INPP4B: variants seen among roughly 807,000 people sequenced by gnomAD.
INPP4B encodes inositol polyphosphate 4-phosphatase type II.
In INPP4B, 55 loss-of-function variants were observed where a neutral mutation model predicts 122.5. The observed-to-expected ratio is 0.45, with a 90% CI of 0.36 to 0.56. INPP4B has a LOEUF of 0.56. INPP4B is among the 20% of genes least tolerant of loss of function. The probability of loss-of-function intolerance (pLI) is 0.00; values close to 1 mark genes in which losing one functional copy is unlikely to be tolerated. For synonymous variants in INPP4B, 403 were observed against 388.7 expected (o/e 1.04, Z -0.43); for missense variants, 1,000 against 1,097.7 (o/e 0.91, Z 1.26).
intron 7 of INPP4B, among the ~76,000 whole-genome samples, chr4:142,316,158 C>T (rs1367186724): frequency 3.9e-5 from 6 of 152,166 alleles, no homozygotes; most frequent in African/African-American, 1.4e-4. Context: ...GTCATTATAA[C>T]TCAAAATTGT....
chr4:142,622,327 T>C (rs999172410), intron 2 of INPP4B, among the ~76,000 whole-genome samples: 1 of 144,646 alleles, frequency 6.9e-6, no homozygotes, highest in Non-Finnish European at 1.5e-5. Context: ...AAGCTTCCAT[T>C]AAAAAAAAAA....
intron 1 of INPP4B, among the ~76,000 whole-genome samples, chr4:142,728,416 T>C (rs751811039): frequency 6.6e-6 from 1 of 152,220 alleles, no homozygotes; most frequent in African/African-American, 2.4e-5. Context: ...GGTTAAATTA[T>C]GTACTCCCGA....
intron 9 of INPP4B, among the ~76,000 whole-genome samples, chr4:142,302,492 G>A (rs1761861134): frequency 6.6e-6 from 1 of 152,050 alleles, no homozygotes; most frequent in Admixed American, 6.6e-5. Flanking sequence ...TCCCATTTAA[G>A]AGCATTATAA....
At position 142,288,071 on chromosome 4, in the gene INPP4B, C is replaced by T. The variant is rs1754648550; in HGVS notation, c.504-17297G>A. ...TCATCAAGTCATCCAAACTTAATTG[C>T]TTCCCAAAGACTCCATCTTTAAACA... On this transcript the variant is annotated intron_variant, in intron 9 of 25. Coordinates refer to ENST00000262992, the MANE Select transcript of INPP4B (RefSeq NM_001101669.3). Among the ~76,000 whole-genome samples the T allele has an allele frequency of 2.0e-5, 3 of 152,264 alleles. 1 individual carries two copies. The Middle Eastern group carries it at 0.01, about 518-fold the overall frequency.
At chr4:142,520,422 T>C (rs923759065) in intron 2 of INPP4B, among the ~76,000 whole-genome samples, 14 of 151,768 alleles carry the variant, frequency 9.2e-5, no homozygotes, top group African/African-American at 3.1e-4. Flanking sequence ...ATTGAAGGAG[T>C]AGGGATGAGA....
intron 2 of INPP4B, among the ~76,000 whole-genome samples, chr4:142,620,252 C>G (rs1467944732): frequency 6.6e-6 from 1 of 151,924 alleles, no homozygotes; most frequent in African/African-American, 2.4e-5. Flanking sequence ...TGGAATCAAC[C>G]TAAATGCCCA....
intron 2 of INPP4B, among the ~76,000 whole-genome samples, chr4:142,617,440 T>C (rs922635921): frequency 6.6e-6 from 1 of 152,074 alleles, no homozygotes; most frequent in Non-Finnish European, 1.5e-5. Flanking sequence ...CAACCATTGC[T>C]TGCTGCTCAG....
chr4:142,360,167 T>C (rs550880971), intron 7 of INPP4B, among the ~76,000 whole-genome samples: 2 of 152,100 alleles, frequency 1.3e-5, no homozygotes, highest in South Asian at 2.1e-4. Flanking sequence ...TTAACATTTC[T>C]ATGATTTCTG....
chr4:142,730,772 C>T (rs1765967199), intron 1 of INPP4B, among the ~76,000 whole-genome samples: 1 of 152,056 alleles, frequency 6.6e-6, no homozygotes, highest in South Asian at 2.1e-4. Flanking sequence ...TCACATTTTT[C>T]CTTTTGTGCT....
rs5862590 is a variant in INPP4B at position 142,367,188 on chromosome 4, ATGTGTGTGTG to A, written c.372+35740_372+35749del. On this transcript the variant is annotated intron_variant, in intron 7 of 25. Transcript: ENST00000262992. ...AATAGTGTGTATGTATACATGTAAT[ATGTGTGTGTG>A]TGTGTGTGTGTGTGTGTGTGTGTGT... Among the ~76,000 whole-genome samples the A allele has an allele frequency of 3.1e-3, 406 of 132,820 alleles. 4 individuals carry two copies. Among genetic ancestry groups the A allele is most frequent in the African/African-American group, 0.01 (367 of 36,102 alleles). The allele number at this position is 132,820 out of a possible 152,430, so 87.1% of individuals were successfully genotyped here.
At chr4:142,524,710 A>G (rs1288755523) in intron 2 of INPP4B, among the ~76,000 whole-genome samples, 1 of 152,202 alleles carries the variant, frequency 6.6e-6, no homozygotes, top group Non-Finnish European at 1.5e-5. Context: ...AAAACTCTCA[A>G]TAAATTAGGT....
chr4:142,466,907 G>A (rs1324165547), intron 2 of INPP4B, among the ~76,000 whole-genome samples: 1 of 152,150 alleles, frequency 6.6e-6, no homozygotes, highest in Non-Finnish European at 1.5e-5. Context: ...CTGCCACTTT[G>A]AAGAGCACAA....
chr4:142,164,304 T>C (rs1293008087), intron 16 of INPP4B, among the ~76,000 whole-genome samples: 1 of 151,886 alleles, frequency 6.6e-6, no homozygotes, highest in African/African-American at 2.4e-5. Flanking sequence ...AATAAAGTTC[T>C]ATTCTACCTA....
chr4:142,430,058 AAATCC>A (rs1226023837), intron 4 of INPP4B, among the ~76,000 whole-genome samples: 1 of 152,132 alleles, frequency 6.6e-6, no homozygotes, highest in Non-Finnish European at 1.5e-5. Flanking sequence ...AGTATTATAC[AAATCC>A]TTTCCTTGCT....
intron 1 of INPP4B, among the ~76,000 whole-genome samples, chr4:142,774,144 A>G (rs912019471): frequency 6.6e-6 from 1 of 152,078 alleles, no homozygotes; most frequent in Non-Finnish European, 1.5e-5. Context: ...CTCCCTTTCT[A>G]TCCAGACTGT....
chr4:142,461,290 A>C (rs143282046), intron 3 of INPP4B, among the ~76,000 whole-genome samples: 53 of 152,352 alleles, frequency 3.5e-4, no homozygotes, highest in African/African-American at 1.3e-3. Flanking sequence ...AGAAGCCTCC[A>C]TTATAAAACT....
chr4:142,268,186 G>T (rs539962058), intron 10 of INPP4B, among the ~76,000 whole-genome samples: 2 of 151,268 alleles, frequency 1.3e-5, no homozygotes, highest in East Asian at 3.9e-4. Flanking sequence ...AGCCGGGCAT[G>T]GTGGCGGGTC....
chr4:142,052,911 G>A (rs934224540), intron 25 of INPP4B, among the ~76,000 whole-genome samples: 4 of 151,948 alleles, frequency 2.6e-5, no homozygotes, highest in Admixed American at 2.0e-4. Flanking sequence ...CATGTACCAG[G>A]CACTGTACTA....
At chr4:142,172,506 G>A (rs1200554645) in intron 16 of INPP4B, among the ~76,000 whole-genome samples, 1 of 151,900 alleles carries the variant, frequency 6.6e-6, no homozygotes, top group Non-Finnish European at 1.5e-5. Flanking sequence ...GGCCTGGAAG[G>A]AATGCTGCAT....
Sources: allele counts gnomAD v4.1 joint callset (sites outside exome capture counted in the v4.1 genomes callset), GRCh38; gene constraint gnomAD v4.1.1; transcripts MANE v1.5; gene names NCBI Gene and HGNC (gene_info 2026-07-23, HGNC 2026-07-21).